CHRM5: variants seen among roughly 807,000 people sequenced by gnomAD.
The protein encoded by CHRM5 is muscarinic acetylcholine receptor M5.
In CHRM5, 18 loss-of-function variants were observed where a neutral mutation model predicts 39.0. The observed-to-expected ratio is 0.46, with a 90% CI of 0.32 to 0.68. CHRM5 has a LOEUF of 0.68. Among genes scored for constraint, CHRM5 ranks in the 30% least tolerant of loss-of-function variants. The probability of loss-of-function intolerance (pLI) is 0.04; values close to 1 mark genes in which losing one functional copy is unlikely to be tolerated. For missense variants in CHRM5, 515 were observed against 651.1 expected (o/e 0.79, Z 2.28); for synonymous variants, 241 against 246.3 (o/e 0.98, Z 0.20).
In CHRM5 at chr15:34,063,416, T is replaced by A; in HGVS notation, c.699T>A (p.Ser233=). The A allele has an allele frequency of 1.2e-6, 2 of 1,613,982 alleles. No homozygotes were observed. The highest frequency in any genetic ancestry group is 8.5e-7 in the Non-Finnish European group (1 of 1,180,036). ...RTKDLADLQG[S]DSVTKAEKRK... is the part of the protein sequence containing the mutation. Reference sequence around the variant, plus strand: ...AGGACCTGGCTGACCTCCAGGGTTCTGACTCTGTGACCAAAGCTGAGAAGA... The same window carrying A: ...AGGACCTGGCTGACCTCCAGGGTTCAGACTCTGTGACCAAAGCTGAGAAGA... Residue 233 remains serine (S), a synonymous_variant, in exon 3 of 3, where the codon TCT becomes TCA. Coordinates refer to ENST00000383263, the MANE Select transcript of CHRM5 (RefSeq NM_012125.4). This position sits in a 1 kb window ranked among gnomAD's most constrained non-coding sequence, Gnocchi z 4.1.
At position 34,030,772 on chromosome 15, in the gene CHRM5, G is replaced by A. The variant is rs149310771; in HGVS notation, c.-407-15768G>A. Among the ~76,000 whole-genome samples, 133 of 151,834 alleles carry A rather than the reference G, an allele frequency of 8.8e-4. 1 individual carries two copies. The highest frequency in any genetic ancestry group is 1.5e-3 in the Non-Finnish European group (99 of 67,886). ...GGTGGGAATACAGGCGTGCACCACC[G>A]TGCCTGGCTAAATTTTTTGTTGTTG... On this transcript the variant is annotated intron_variant, in intron 1 of 2. Coordinates refer to ENST00000383263, the MANE Select transcript of CHRM5 (RefSeq NM_012125.4).
At chr15:34,014,358 CCATCT>C (rs1338139374) in intron 1 of CHRM5, among the ~76,000 whole-genome samples, 2 of 106,530 alleles carry the variant, frequency 1.9e-5, no homozygotes, top group African/African-American at 7.9e-5. Context: ...GAGCGAAACT[CCATCT>C]CATTAAAAAA....
intron 1 of CHRM5, among the ~76,000 whole-genome samples, chr15:34,013,206 C>T (rs1410156517): frequency 6.6e-6 from 1 of 152,036 alleles, no homozygotes; most frequent in African/African-American, 2.4e-5. Flanking sequence ...GGATTACAGG[C>T]GCGCGCCACC....
intron 1 of CHRM5, among the ~76,000 whole-genome samples, chr15:33,983,336 T>C (rs550572917): frequency 5.9e-5 from 9 of 151,910 alleles, no homozygotes; most frequent in Non-Finnish European, 1.0e-4. Flanking sequence ...AAATCAATTA[T>C]TGATGTTTCA....
At chr15:34,040,040 T>A (rs1899400088) in intron 1 of CHRM5, among the ~76,000 whole-genome samples, 1 of 152,230 alleles carries the variant, frequency 6.6e-6, no homozygotes, top group Non-Finnish European at 1.5e-5. Context: ...CCTAGCAGAA[T>A]AAGTGTTTTC....
At chr15:34,015,488 T>TAA (rs61057225) in intron 1 of CHRM5, among the ~76,000 whole-genome samples, 5 of 150,202 alleles carry the variant, frequency 3.3e-5, no homozygotes, top group African/African-American at 7.3e-5. Flanking sequence ...TCTCAAAAAA[T>TAA]AAAAAAAAAT....
intron 2 of CHRM5, among the ~76,000 whole-genome samples, chr15:34,054,248 A>G (rs1440351287): frequency 6.6e-6 from 1 of 152,224 alleles, no homozygotes; most frequent in Non-Finnish European, 1.5e-5. Flanking sequence ...AATTAGTTCA[A>G]CCATTGTGGA....
At chr15:34,044,692 C>T (rs138571627) in intron 1 of CHRM5, among the ~76,000 whole-genome samples, 78 of 152,038 alleles carry the variant, frequency 5.1e-4, no homozygotes, top group East Asian at 4.1e-3. Context: ...ACAGTGTATG[C>T]GTTAAATGGG....
chr15:34,035,276 C>A (rs1899063013), intron 1 of CHRM5, among the ~76,000 whole-genome samples: 1 of 152,056 alleles, frequency 6.6e-6, no homozygotes, highest in South Asian at 2.1e-4. Flanking sequence ...TGAAAAGCTG[C>A]AATATAAACA....
intron 1 of CHRM5, among the ~76,000 whole-genome samples, chr15:33,997,517 C>T (rs1411937342): frequency 6.6e-6 from 1 of 152,116 alleles, no homozygotes; most frequent in African/African-American, 2.4e-5. Flanking sequence ...TATATCATTA[C>T]CGTCATCCGC....
chr15:33,992,141 C>A (rs2140573051), intron 1 of CHRM5: 1 of 152,400 alleles, frequency 6.6e-6, no homozygotes, highest in African/African-American at 2.4e-5. Context: ...AATCCCAGCA[C>A]TCTGGGAGGC....
At chr15:33,995,111 A>G (rs1290591341) in intron 1 of CHRM5, among the ~76,000 whole-genome samples, 11 of 152,096 alleles carry the variant, frequency 7.2e-5, no homozygotes, top group Admixed American at 6.5e-4. Flanking sequence ...AAAAATGAAG[A>G]AATCAGCCAG....
chr15:33,971,662 A>AAC (rs1479205128), intron 1 of CHRM5, among the ~76,000 whole-genome samples: 1 of 152,092 alleles, frequency 6.6e-6, no homozygotes, highest in Non-Finnish European at 1.5e-5. Context: ...AAATGCATTA[A>AAC]ATATATATTT....
intron 1 of CHRM5, among the ~76,000 whole-genome samples, chr15:34,020,704 C>CTTACT (rs1263105194): frequency 6.6e-6 from 1 of 152,234 alleles, no homozygotes; most frequent in East Asian, 1.9e-4. Context: ...AGCCCCTTGA[C>CTTACT]TGAATTACGA....
At chr15:33,989,171 A>G (rs1156651501) in intron 1 of CHRM5, among the ~76,000 whole-genome samples, 1 of 152,172 alleles carries the variant, frequency 6.6e-6, no homozygotes, top group Non-Finnish European at 1.5e-5. Context: ...AGCTAAATAA[A>G]AGAGAAGATG....
chr15:34,052,135 A>C (rs1420690891), intron 2 of CHRM5, among the ~76,000 whole-genome samples: 1 of 152,218 alleles, frequency 6.6e-6, no homozygotes, highest in Non-Finnish European at 1.5e-5. Context: ...AGCACATCAA[A>C]AAGTTTATCC....
chr15:34,003,187 T>C (rs1897206065), intron 1 of CHRM5: 1 of 1,613,604 alleles, frequency 6.2e-7, no homozygotes, highest in Non-Finnish European at 8.5e-7. Flanking sequence ...TCCATAGGTC[T>C]CTGCATCGCT....
intron 1 of CHRM5, among the ~76,000 whole-genome samples, chr15:33,981,152 T>G (rs1353676124): frequency 6.6e-6 from 1 of 152,174 alleles, no homozygotes; most frequent in Non-Finnish European, 1.5e-5. Context: ...ATATCTGAAT[T>G]AAGAAATCCA....
At position 34,050,472 on chromosome 15, in the gene CHRM5, T is replaced by C. The variant is rs2140825300; in HGVS notation, c.-76+3601T>C. On this transcript the variant is annotated intron_variant, in intron 2 of 2. Transcript: ENST00000383263. ...TCTGCAAAATAACCAGCTAGCATCA[T>C]GATGACAGGATCAAATTCACACATA... is the stretch of plus-strand genomic sequence containing the variant. Among the ~76,000 whole-genome samples the C allele has an allele frequency of 1.3e-5, 2 of 152,290 alleles. 1 individual carries two copies. The highest frequency in any genetic ancestry group is 4.1e-4 in the South Asian group (2 of 4,830).
Sources: gnomAD v4.1 joint callset for allele counts (sites outside exome capture counted in the v4.1 genomes callset) on GRCh38, gnomAD v4.1.1 for gene constraint, Gnocchi (gnomAD v3.1) non-coding constraint, MANE v1.5 for transcripts, NCBI Gene and HGNC (gene_info 2026-07-23, HGNC 2026-07-21) for gene names.